The following ACSS1 variants were observed in gnomAD, a reference collection of about 807,000 sequenced individuals.
ACSS1 encodes the protein acetyl-coenzyme A synthetase 2-like, mitochondrial.
In ACSS1, 42 loss-of-function variants were observed where a neutral mutation model predicts 75.3. That is an observed-to-expected ratio of 0.56 (90% CI 0.44 to 0.72). ACSS1 has a LOEUF of 0.72. Among genes scored for constraint, ACSS1 ranks in the 30% least tolerant of loss-of-function variants. The pLI is 0.00. For synonymous variants in ACSS1, 380 were observed against 376.8 expected (o/e 1.01, Z -0.10); for missense variants, 782 against 935.7 (o/e 0.84, Z 2.14).
chr20:25,042,726 C>T (rs367959329), intron 2 of ACSS1, among the ~76,000 whole-genome samples: 31 of 152,090 alleles, frequency 2.0e-4, no homozygotes, highest in African/African-American at 7.2e-4. Flanking sequence ...CGCTGAGTAC[C>T]GTCACCCCTG....
At chr20:25,056,859 C>A (rs368185368) in intron 1 of ACSS1, among the ~76,000 whole-genome samples, 2 of 152,074 alleles carry the variant, frequency 1.3e-5, no homozygotes, top group South Asian at 4.1e-4. Flanking sequence ...CACACCCAGG[C>A]CCACCCTGCA....
At chr20:25,041,205 C>T (rs1033227787) in intron 2 of ACSS1, among the ~76,000 whole-genome samples, 2 of 151,012 alleles carry the variant, frequency 1.3e-5, no homozygotes, top group African/African-American at 4.9e-5. Context: ...TTTCAGTGAG[C>T]CGAGATTGCG....
intron 1 of ACSS1, among the ~76,000 whole-genome samples, chr20:25,053,110 C>CT (rs1568851983): frequency 6.9e-6 from 1 of 145,646 alleles, no homozygotes; most frequent in Non-Finnish European, 1.5e-5. Context: ...ATTGCCCAGG[C>CT]TAGAGTGCGC....
intron 2 of ACSS1, among the ~76,000 whole-genome samples, chr20:25,039,478 C>T (rs1379404456): frequency 6.6e-6 from 1 of 152,222 alleles, no homozygotes; most frequent in Admixed American, 6.5e-5. Context: ...GGAAAGTTAG[C>T]AAGAGAAGTG....
At chr20:25,024,779 C>T (rs893969651) in intron 3 of ACSS1, among the ~76,000 whole-genome samples, 1 of 152,228 alleles carries the variant, frequency 6.6e-6, no homozygotes, top group African/African-American at 2.4e-5. Flanking sequence ...CCCACCCTTT[C>T]TCCTCCTAAG....
chr20:25,032,420 T>C (rs2088842732), intron 2 of ACSS1: 1 of 1,399,078 alleles, frequency 7.1e-7, no homozygotes. Context: ...AGGTTGTCTT[T>C]CCTTTCGGCG....
intron 2 of ACSS1, among the ~76,000 whole-genome samples, chr20:25,045,360 AG>A (rs2089069582): frequency 6.6e-6 from 1 of 152,100 alleles, no homozygotes; most frequent in South Asian, 2.1e-4. Context: ...TGCAGGGTAA[AG>A]GCCATGGGCA....
intron 4 of ACSS1, 132 bp from the exon 5 acceptor site, chr20:25,023,224 C>T: frequency 7.9e-7 from 1 of 1,263,938 alleles, no homozygotes; most frequent in Non-Finnish European, 1.1e-6. Flanking sequence ...AGTTCAATTC[C>T]AAATGTGGAA....
intron 5 of ACSS1, among the ~76,000 whole-genome samples, chr20:25,022,291 G>A (rs563883295): frequency 6.6e-6 from 1 of 152,204 alleles, no homozygotes; most frequent in East Asian, 1.9e-4. Flanking sequence ...AACCCAGGAG[G>A]CAAAGGTTGC....
chr20:25,021,893 G>C (rs2088631258), intron 5 of ACSS1, among the ~76,000 whole-genome samples: 1 of 152,200 alleles, frequency 6.6e-6, no homozygotes, highest in East Asian at 1.9e-4. Context: ...ACTGAGTGGA[G>C]CCTGATCCCA....
intron 12 of ACSS1, chr20:25,012,359 T>C (rs534986386): frequency 5.3e-5 from 30 of 567,582 alleles, no homozygotes; most frequent in Non-Finnish European, 7.5e-5. Context: ...AACTGGGTCA[T>C]GGCCACTGTG....
chr20:25,047,140 A>G (rs2089106605), intron 2 of ACSS1, among the ~76,000 whole-genome samples: 1 of 152,220 alleles, frequency 6.6e-6, no homozygotes, highest in African/African-American at 2.4e-5. Context: ...CAAGAAACAA[A>G]CAGGAAACTA....
In ACSS1 at chr20:25,007,955, G is replaced by A; in HGVS notation, c.1891-14C>T. 1.2e-6 allele frequency: 2 copies of A among 1,613,572 alleles called. No homozygotes were observed. The highest frequency in any genetic ancestry group is 2.2e-5 in the South Asian group (2 of 90,980). On this transcript the variant is annotated splice_polypyrimidine_tract_variant and intron_variant, in intron 13 of 13. Transcript: ENST00000323482. ...ACGTTTCACCACCTGGCAAGGAACA[G>A]GCACAGTGTTAGAGCGTGGATGGTG...
rs141831442 is a variant in ACSS1, at chr20:25,018,289, C to T, written c.1246+1721G>A. Among the ~76,000 whole-genome samples, 401 of 152,346 alleles carry T rather than the reference C, an allele frequency of 2.6e-3. 1 individual carries two copies. The highest frequency in any genetic ancestry group is 9.5e-3 in the African/African-American group (393 of 41,576). On this transcript the variant is annotated intron_variant, in intron 7 of 13. Transcript: ENST00000323482. ...TGGGACGATGCAGCAAGAAGGCCCTCACCAGATGCCAACACCTTGATGTGG... is the reference window on the plus strand; with the variant it reads ...TGGGACGATGCAGCAAGAAGGCCCTTACCAGATGCCAACACCTTGATGTGG...
intron 1 of ACSS1, among the ~76,000 whole-genome samples, chr20:25,057,466 CTG>C (rs1372945596): frequency 6.6e-6 from 1 of 152,228 alleles, no homozygotes; most frequent in African/African-American, 2.4e-5. Context: ...TAACGCAACT[CTG>C]GAGTCCGCCG....
chr20:25,022,511 T>C (rs1175140341), intron 5 of ACSS1, among the ~76,000 whole-genome samples: 2 of 152,244 alleles, frequency 1.3e-5, no homozygotes, highest in African/African-American at 4.8e-5. Flanking sequence ...CAAGACATGC[T>C]GGACGGGGCT....
In ACSS1 at chr20:25,007,924, T is replaced by C; in HGVS notation, c.1908A>G (p.Pro636=). 1 of 1,614,138 alleles carries C rather than the reference T, an allele frequency of 6.2e-7. No individual in the cohort carries two copies. Among genetic ancestry groups the C allele is most frequent in the Middle Eastern group, 1.7e-4 (1 of 6,060 alleles). Residue 636 remains proline (P), a synonymous_variant, in exon 14 of 14, where the codon CCA becomes CCG. Transcript: ENST00000323482. ...GCATGACCTTCCCAGACCTGGTTTT[T>C]GGAAGACGTTTCACCACCTGGCAAG... is the stretch of plus-strand genomic sequence containing the variant. ...PDEILVVKRL[P]KTRSGKVMRR...
intron 2 of ACSS1, among the ~76,000 whole-genome samples, chr20:25,044,834 C>T (rs1295485496): frequency 1.3e-5 from 2 of 152,314 alleles, no homozygotes; most frequent in Non-Finnish European, 2.9e-5. Flanking sequence ...CAGAGGAAGG[C>T]TGGAAATGGA....
chr20:25,056,611 C>T (rs769841376), intron 1 of ACSS1, among the ~76,000 whole-genome samples: 5 of 152,104 alleles, frequency 3.3e-5, no homozygotes, highest in Admixed American at 6.6e-5. Flanking sequence ...AGCACTCAGC[C>T]TAACCTCTGA....
Sources: allele counts gnomAD v4.1 joint callset (sites outside exome capture counted in the v4.1 genomes callset), GRCh38; gene constraint gnomAD v4.1.1; transcripts MANE v1.5; gene names NCBI Gene and HGNC (gene_info 2026-07-23, HGNC 2026-07-21).